The following STARD4 variants were observed in gnomAD, a reference collection of about 807,000 sequenced individuals.
STARD4 encodes StAR related lipid transfer domain containing 4, also known as stAR-related lipid transfer protein 4.
STARD4 carries 33 observed loss-of-function variants against 24.9 expected under a neutral mutation model. The observed-to-expected ratio is 1.32, with a 90% confidence interval of 1.00 to 1.77. The LOEUF is 1.77. STARD4 is among the 40% of genes most tolerant of loss of function. The pLI, the probability that STARD4 is intolerant of heterozygous loss-of-function variation, is 0.00. For synonymous variants in STARD4, 88 were observed against 77.4 expected (o/e 1.14, Z -0.72); for missense variants, 238 against 249.3 (o/e 0.95, Z 0.31).
chr5:111,510,820 G>GTTCT (rs1757210872), intron 1 of STARD4, among the ~76,000 whole-genome samples: 1 of 152,126 alleles, frequency 6.6e-6, no homozygotes. Flanking sequence ...GATGGCATAG[G>GTTCT]TTCTATTTTA....
chr5:111,510,729 T>C (rs1241090500), intron 1 of STARD4, among the ~76,000 whole-genome samples: 1 of 152,212 alleles, frequency 6.6e-6, no homozygotes, highest in Non-Finnish European at 1.5e-5. Flanking sequence ...CTGTCTCAAG[T>C]TACTTTTCTT....
intron 3 of STARD4, among the ~76,000 whole-genome samples, chr5:111,503,082 C>A (rs537409753): frequency 1.1e-4 from 16 of 151,966 alleles, no homozygotes; most frequent in Non-Finnish European, 2.1e-4. Flanking sequence ...AATATTTTTA[C>A]CCTGACTTTT....
rs1756916755 is a variant in STARD4 at position 111,507,107 on chromosome 5, T to A, written c.105+222A>T. On this transcript the variant is annotated intron_variant, in intron 2 of 5. Coordinates refer to ENST00000296632, the MANE Select transcript of STARD4 (RefSeq NM_139164.3). The surrounding 1 kb of genome is among the most constrained non-coding windows in gnomAD (Gnocchi z 4.4). ...TAGTTGCCATGAGCCTATTCTCTTG[T>A]CTAATATCCAAAGAGCTAATGAAAG... Among the ~76,000 whole-genome samples, 1 of 152,182 alleles carries A rather than the reference T, an allele frequency of 6.6e-6. No individual in the cohort carries two copies. The highest frequency in any genetic ancestry group is 1.5e-5 in the Non-Finnish European group (1 of 68,030).
chr5:111,502,207 G>A (rs1295421069), intron 3 of STARD4, 119 bp from the exon 4 acceptor site: 3 of 1,176,758 alleles, frequency 2.5e-6, no homozygotes, highest in South Asian at 1.7e-5. Flanking sequence ...GGTGGCTCAT[G>A]TCTGTAATCC....
intron 1 of STARD4, among the ~76,000 whole-genome samples, chr5:111,510,633 T>C (rs1757192809): frequency 6.6e-6 from 1 of 152,230 alleles, no homozygotes; most frequent in Admixed American, 6.5e-5. Context: ...ATGTTTTTCC[T>C]TTAATCTTTT....
rs371345165 is a variant in STARD4 at position 111,501,998 on chromosome 5, C to T, written c.246G>A (p.Leu82=). Residue 82 remains leucine (L), a synonymous_variant, in exon 4 of 6, where the codon TTG becomes TTA. Transcript: ENST00000296632. ...PGPCRLDWDS[L]MTSLDILENF... The stretch of plus-strand genomic sequence containing the variant: ...TCTCCAGAATATCCAAAGAAGTCAT[C>T]AAGCTGTCCCAATCCAAACGACAAG... 3 of 1,614,138 alleles carry T rather than the reference C, an allele frequency of 1.9e-6. No individual in the cohort carries two copies. Among genetic ancestry groups the T allele is most frequent in the Non-Finnish European group, 2.5e-6 (3 of 1,180,014 alleles).
At chr5:111,509,044 T>A (rs1017011206) in intron 1 of STARD4, among the ~76,000 whole-genome samples, 19 of 152,206 alleles carry the variant, frequency 1.2e-4, no homozygotes, top group African/African-American at 4.6e-4. Flanking sequence ...GAAAAGTTGA[T>A]GAGCTCATTC....
At chr5:111,506,778 C>A (rs114953035) in intron 2 of STARD4, among the ~76,000 whole-genome samples, 1 of 152,144 alleles carries the variant, frequency 6.6e-6, no homozygotes, top group South Asian at 2.1e-4. Flanking sequence ...ACATTTATTA[C>A]GACAGTGTTA....
chr5:111,503,369 G>T (rs1052162382), intron 3 of STARD4, among the ~76,000 whole-genome samples: 1 of 152,214 alleles, frequency 6.6e-6, no homozygotes, highest in Non-Finnish European at 1.5e-5. Flanking sequence ...GGTGGCTCAT[G>T]CCTGTAATCC....
At position 111,499,940 on chromosome 5, in the gene STARD4, T is replaced by C; in HGVS notation, c.564A>G (p.Thr188=). ...RGMIPQSAVD[T]AMASTLTNFY... is the part of the protein sequence containing the mutation. Reference sequence around the variant, plus strand: ...AGTTGGTTAAAGTGCTTGCCATGGCTGTATCTACCGCAGACTGAGGAATCA... The same window carrying C: ...AGTTGGTTAAAGTGCTTGCCATGGCCGTATCTACCGCAGACTGAGGAATCA... Residue 188 remains threonine (T), a synonymous_variant, in exon 6 of 6, where the codon ACA becomes ACG. Transcript: ENST00000296632. 2 of 1,614,156 alleles carry C rather than the reference T, an allele frequency of 1.2e-6. No individual in the cohort carries two copies. The highest frequency in any genetic ancestry group is 1.7e-6 in the Non-Finnish European group (2 of 1,180,014).
rs866169800 is a variant in STARD4, at chr5:111,499,828, G to C, written c.*58C>G. 1 of 1,464,168 alleles carries C rather than the reference G, an allele frequency of 6.8e-7. No homozygotes were observed. The highest frequency in any genetic ancestry group is 1.4e-5 in the African/African-American group (1 of 71,224). The allele number at this position is 1,464,168 out of a possible 1,614,324, so 90.7% of individuals were successfully genotyped here. A position where few individuals can be genotyped will look rare whatever the true frequency, so the allele number is the denominator to read the frequency against. ...AAAAGTGGAATCAATGATTTTTACAGGCCATGTAGCTGAGAGAGTTGATCT... is the reference window on the plus strand; with the variant it reads ...AAAAGTGGAATCAATGATTTTTACACGCCATGTAGCTGAGAGAGTTGATCT... On this transcript the variant is annotated 3_prime_UTR_variant, in exon 6 of 6. Coordinates refer to ENST00000296632, the MANE Select transcript of STARD4 (RefSeq NM_139164.3).
chr5:111,509,864 C>G (rs1308002542), intron 1 of STARD4, among the ~76,000 whole-genome samples: 1 of 152,124 alleles, frequency 6.6e-6, no homozygotes, highest in East Asian at 1.9e-4. Flanking sequence ...CACCATTTCT[C>G]AAGAAGGACT....
chr5:111,500,359 T>C, intron 5 of STARD4: 1 of 1,160,792 alleles, frequency 8.6e-7, no homozygotes, highest in Non-Finnish European at 1.1e-6. Flanking sequence ...TTAGTACTCC[T>C]TGGAAGCTAC....
chr5:111,506,517 T>A (rs1004690081), intron 2 of STARD4, 138 bp from the exon 3 acceptor site: 5 of 413,202 alleles, frequency 1.2e-5, no homozygotes, highest in African/African-American at 2.1e-5. Flanking sequence ...ATAAAAGTCA[T>A]CTATACCATA....
At position 111,500,048 on chromosome 5, in the gene STARD4, G is replaced by C. The variant is rs1417337407; in HGVS notation, c.456C>G (p.Pro152=). Residue 152 remains proline (P), a synonymous_variant, in exon 6 of 6, where the codon CCC becomes CCG. Coordinates refer to ENST00000296632, the MANE Select transcript of STARD4 (RefSeq NM_139164.3). ...TAAGTGGAACACAAAACCAACCACA[G>C]GGATGGTTATATCCTCGAACAAATT... is the stretch of plus-strand genomic sequence containing the variant. The part of the protein sequence containing the change: ...RPEFVRGYNH[P]CGWFCVPLKD... The C allele has an allele frequency of 6.2e-7, 1 of 1,614,086 alleles. No individual in the cohort carries two copies. The highest frequency in any genetic ancestry group is 1.7e-5 in the Admixed American group (1 of 60,004).
intron 1 of STARD4, among the ~76,000 whole-genome samples, chr5:111,509,914 C>G (rs1253348933): frequency 6.6e-6 from 1 of 152,012 alleles, no homozygotes; most frequent in Non-Finnish European, 1.5e-5. Flanking sequence ...TATACCAGGT[C>G]CTAGAACTAC....
chr5:111,511,684 C>T (rs1309096235), intron 1 of STARD4, among the ~76,000 whole-genome samples: 1 of 152,190 alleles, frequency 6.6e-6, no homozygotes, highest in Non-Finnish European at 1.5e-5. Flanking sequence ...GAGCCTAAAG[C>T]TCTCTCTTGT....
rs1580842255 is a variant in STARD4, at chr5:111,499,830, C to T, written c.*56G>A. On this transcript the variant is annotated 3_prime_UTR_variant, in exon 6 of 6. Transcript: ENST00000296632. ...AAGTGGAATCAATGATTTTTACAGG[C>T]CATGTAGCTGAGAGAGTTGATCTGT... 1.4e-6 allele frequency: 2 copies of T among 1,477,340 alleles called. No homozygotes were observed. Among genetic ancestry groups the T allele is most frequent in the East Asian group, 4.6e-5 (2 of 43,726 alleles). 91.5% of individuals were successfully genotyped at this position (1,477,340 alleles called of 1,614,324 possible).
At chr5:111,505,136 G>C (rs2112559875) in intron 3 of STARD4, 1 of 419,724 alleles carries the variant, frequency 2.4e-6, no homozygotes, top group South Asian at 1.7e-5. Context: ...CATTCCTTAA[G>C]AAATACTTAT....
Sources: gnomAD v4.1 joint callset for allele counts (sites outside exome capture counted in the v4.1 genomes callset) on GRCh38, gnomAD v4.1.1 for gene constraint, Gnocchi (gnomAD v3.1) non-coding constraint, MANE v1.5 for transcripts, NCBI Gene and HGNC (gene_info 2026-07-23, HGNC 2026-07-21) for gene names.